The following TAB3 variants were observed in gnomAD, a reference collection of about 807,000 sequenced individuals.
TAB3 encodes the protein TGF-beta activated kinase 1 (MAP3K7) binding protein 3.
In TAB3, 18 loss-of-function variants were observed where a neutral mutation model predicts 48.1. That is an observed-to-expected ratio of 0.37 (90% CI 0.26 to 0.55). The LOEUF is 0.55. Among genes scored for constraint, TAB3 ranks in the 20% least tolerant of loss-of-function variants. The pLI is 0.78. For missense variants in TAB3, 414 were observed against 549.8 expected (o/e 0.75, Z 2.47); for synonymous variants, 185 against 190.2 (o/e 0.97, Z 0.22).
chrX:30,838,079 G>A (rs769851823), intron 9 of TAB3, among the ~76,000 whole-genome samples: 3 of 111,725 alleles, frequency 2.7e-5, no homozygotes, highest in African/African-American at 9.8e-5. Flanking sequence ...TAGCTTTATA[G>A]TAAGTCCTGA....
At chrX:30,877,355 G>A (rs958086435) in intron 1 of TAB3, among the ~76,000 whole-genome samples, 1 of 112,164 alleles carries the variant, frequency 8.9e-6, no homozygotes, top group Non-Finnish European at 1.9e-5. Context: ...CAAGATGGAA[G>A]GTCACAGATA....
chrX:30,855,425 A>G lies in TAB3; in HGVS notation c.240T>C (p.Ser80=), dbSNP rs1249471655. The change falls in exon 6 of 11, where the codon TCT becomes TCC. Residue 80 remains serine (S), a synonymous_variant. Coordinates refer to ENST00000288422, the MANE Select transcript of TAB3 (RefSeq NM_152787.5). ...CATCTCCTGGGTGATAGCTACTAGG[A>G]GAATGGATACCCAGGTTAATATGTA... ...RLLHINLGIH[S]PSSYHPGDGA... 54 of 1,211,656 alleles carry G rather than the reference A, an allele frequency of 4.5e-5. No individual in the cohort carries two copies. Among genetic ancestry groups the G allele is most frequent in the Non-Finnish European group, 5.9e-5 (53 of 895,423 alleles).
chrX:30,842,633 A>G (rs942504338), intron 9 of TAB3, among the ~76,000 whole-genome samples: 4 of 101,178 alleles, frequency 4.0e-5, no homozygotes, highest in Non-Finnish European at 6.1e-5. Context: ...AGTGAGCAAC[A>G]TGGTGAGATC....
At chrX:30,870,768 G>A (rs1939641486) in intron 2 of TAB3, among the ~76,000 whole-genome samples, 1 of 112,053 alleles carries the variant, frequency 8.9e-6, no homozygotes, top group Non-Finnish European at 1.9e-5. Flanking sequence ...AGGTGCCACT[G>A]ACATCTGACA....
intron 2 of TAB3, among the ~76,000 whole-genome samples, chrX:30,868,517 TTA>T (rs1202227511): frequency 0.02 from 56 of 2,805 alleles, 8 homozygotes; most frequent in South Asian, 0.03. Context: ...TATATATAGC[TTA>T]TATATATATA....
chrX:30,869,062 A>G (rs867182665), intron 2 of TAB3, among the ~76,000 whole-genome samples: 3 of 105,796 alleles, frequency 2.8e-5, no homozygotes. Context: ...AATCCACCCC[A>G]CATTTTTTTT....
intron 5 of TAB3, among the ~76,000 whole-genome samples, chrX:30,857,819 G>T (rs776679250): frequency 1.8e-5 from 2 of 111,873 alleles, no homozygotes; most frequent in Non-Finnish European, 3.8e-5. Context: ...GATAAAAAAT[G>T]TATCAAACAG....
rs1178394019 is a variant in TAB3, at chrX:30,831,275, C to T, written c.*152G>A. ...AAAAAGACCTCCCCATTTTTCCTTTCGTGAGCACAACGACGACCACAAAGC... is the reference window on the plus strand; with the variant it reads ...AAAAAGACCTCCCCATTTTTCCTTTTGTGAGCACAACGACGACCACAAAGC... On this transcript the variant is annotated 3_prime_UTR_variant, in exon 11 of 11. Coordinates refer to ENST00000288422, the MANE Select transcript of TAB3 (RefSeq NM_152787.5). 17 of 618,108 alleles carry T rather than the reference C, an allele frequency of 2.8e-5. No individual in the cohort carries two copies. The highest frequency in any genetic ancestry group is 5.4e-5 in the South Asian group (1 of 18,526). The allele number at this position is 618,108 out of a possible 1,213,427, so 50.9% of individuals were successfully genotyped here.
At chrX:30,846,326 T>C (rs1183993989) in intron 8 of TAB3, 1 of 353,858 alleles carries the variant, frequency 2.8e-6, no homozygotes, top group Non-Finnish European at 4.8e-6. Flanking sequence ...AGTAACAACA[T>C]AGAACAGTCT....
chrX:30,872,290 AAAATTCCC>A, intron 1 of TAB3, among the ~76,000 whole-genome samples: 1 of 111,939 alleles, frequency 8.9e-6, no homozygotes, highest in East Asian at 2.8e-4. Flanking sequence ...GGAACTTTTT[AAAATTCCC>A]ATACCCCAAG....
At chrX:30,882,590 A>G (rs1417598439) in intron 1 of TAB3, among the ~76,000 whole-genome samples, 1 of 112,287 alleles carries the variant, frequency 8.9e-6, no homozygotes, top group African/African-American at 3.2e-5. Flanking sequence ...CCTAGAGGAA[A>G]CACCTAGCCT....
rs745745618 is a variant in TAB3, at chrX:30,886,517, A to G, written c.-383+2597T>C. 8.9e-5 allele frequency among the ~76,000 whole-genome samples: 10 copies of G among 112,182 alleles called. No homozygotes were observed. The East Asian group carries it at 2.8e-3, about 31-fold the overall frequency. ...AAAACAGTCTCTAAAGCTACATAAT[A>G]CACACACATACTGATGTGTACTGAG... On this transcript the variant is annotated intron_variant, in intron 1 of 10. Coordinates refer to ENST00000288422, the MANE Select transcript of TAB3 (RefSeq NM_152787.5).
chrX:30,852,141 G>A (rs766805089), intron 7 of TAB3, among the ~76,000 whole-genome samples: 1 of 112,319 alleles, frequency 8.9e-6, no homozygotes, highest in Admixed American at 9.4e-5. Context: ...TTTTAAACAT[G>A]CTTCAAAATT....
At chrX:30,840,715 G>A (rs1480394793) in intron 9 of TAB3, among the ~76,000 whole-genome samples, 2 of 111,238 alleles carry the variant, frequency 1.8e-5, no homozygotes, top group Non-Finnish European at 1.9e-5. Flanking sequence ...TGTGAGGCCC[G>A]CCCAGTCTTG....
intron 9 of TAB3, among the ~76,000 whole-genome samples, 199 bp from the exon 10 acceptor site, chrX:30,834,351 C>CT (rs1426547322): frequency 3.6e-5 from 4 of 111,663 alleles, no homozygotes; most frequent in African/African-American, 1.3e-4. Flanking sequence ...GTTCTTACAA[C>CT]TTTTTTCCAT....
At chrX:30,873,919 A>G (rs184530959) in intron 1 of TAB3, among the ~76,000 whole-genome samples, 163 of 111,564 alleles carry the variant, frequency 1.5e-3, no homozygotes, top group African/African-American at 4.7e-3. Flanking sequence ...CACGCCTGTA[A>G]TCCTAGTACT....
chrX:30,855,663 G>T, intron 5 of TAB3, 101 bp from the exon 6 acceptor site: 1 of 815,915 alleles, frequency 1.2e-6, no homozygotes, highest in Non-Finnish European at 1.7e-6. Context: ...TACTGTCACA[G>T]AATAAATAGA....
chrX:30,867,917 ATT>A (rs773901517), intron 2 of TAB3, among the ~76,000 whole-genome samples: 15 of 97,473 alleles, frequency 1.5e-4, no homozygotes, highest in Admixed American at 3.4e-4. Flanking sequence ...CATGCATATA[ATT>A]TTTTTTTTTT....
In TAB3 at chrX:30,828,387, A is replaced by T. The variant is rs1213493792; in HGVS notation, c.*3040T>A. On this transcript the variant is annotated 3_prime_UTR_variant, in exon 11 of 11. Coordinates refer to ENST00000288422, the MANE Select transcript of TAB3 (RefSeq NM_152787.5). The stretch of plus-strand genomic sequence containing the variant: ...CACTTCCCATTTCTTCCAGGGAAAT[A>T]AACAAATTAGCAACACTTTCCCCAC... The T allele has an allele frequency of 8.8e-6, 1 of 113,914 alleles. No homozygotes were observed. The highest frequency in any genetic ancestry group is 1.9e-5 in the Non-Finnish European group (1 of 53,375). 9.4% of individuals were successfully genotyped at this position (113,914 alleles called of 1,213,427 possible).
Sources: allele counts gnomAD v4.1 joint callset (sites outside exome capture counted in the v4.1 genomes callset), GRCh38; gene constraint gnomAD v4.1.1; transcripts MANE v1.5; gene names NCBI Gene and HGNC (gene_info 2026-07-23, HGNC 2026-07-21).